The following OSBPL10 variants were observed in gnomAD, a reference collection of about 807,000 sequenced individuals.
OSBPL10 encodes oxysterol-binding protein-related protein 10.
OSBPL10 carries 49 observed loss-of-function variants against 81.7 expected under a neutral mutation model. The observed-to-expected ratio is 0.60, with a 90% CI of 0.48 to 0.76. OSBPL10 has a LOEUF of 0.76. Among genes scored for constraint, OSBPL10 ranks in the 30% least tolerant of loss-of-function variants. The pLI is 0.00. For missense variants in OSBPL10, 923 were observed against 987.8 expected (o/e 0.93, Z 0.88); for synonymous variants, 419 against 383.6 (o/e 1.09, Z -1.08).
intron 5 of OSBPL10, among the ~76,000 whole-genome samples, chr3:31,743,514 A>G (rs376757168): frequency 6.6e-6 from 1 of 152,230 alleles, no homozygotes; most frequent in East Asian, 1.9e-4. Context: ...TGGCTGCTCA[A>G]TGTGTTTGAA....
chr3:31,690,120 C>G (rs1388453512), intron 7 of OSBPL10, among the ~76,000 whole-genome samples: 1 of 152,076 alleles, frequency 6.6e-6, no homozygotes, highest in Non-Finnish European at 1.5e-5. Context: ...CCACCCAAGT[C>G]TCATGTCAAA....
At chr3:31,698,042 G>A (rs552767387) in intron 7 of OSBPL10, among the ~76,000 whole-genome samples, 101 of 152,090 alleles carry the variant, frequency 6.6e-4, no homozygotes, top group Non-Finnish European at 1.3e-3. Flanking sequence ...GATTACAGGC[G>A]TGAGCCACGG....
In OSBPL10 at chr3:31,990,450, T is replaced by G. The variant is rs144696614; in HGVS notation, n.298+56041A>C. On this transcript the variant is annotated intron_variant and non_coding_transcript_variant, in intron 2 of 3. Transcript: ENST00000479173. Reference sequence around the variant, plus strand: ...CTGGAGAGAAACCTTACAAGTGTAATGAGTGTGGCAAGACCTTCCATCACA... The same window carrying G: ...CTGGAGAGAAACCTTACAAGTGTAAGGAGTGTGGCAAGACCTTCCATCACA... The G allele has an allele frequency of 9.3e-4, 1,459 of 1,563,244 alleles. 106 individuals carry two copies. In the African/African-American group the frequency reaches 0.019, roughly 20 times the overall value.
intron 2 of OSBPL10, among the ~76,000 whole-genome samples, chr3:32,004,305 G>A (rs1200576075): frequency 6.6e-6 from 1 of 152,132 alleles, no homozygotes; most frequent in Non-Finnish European, 1.5e-5. Flanking sequence ...GCCTCCAGCA[G>A]GGAGCAGCAT....
intron 4 of OSBPL10, among the ~76,000 whole-genome samples, chr3:31,806,140 G>A (rs377224500): frequency 1.1e-4 from 17 of 152,024 alleles, no homozygotes; most frequent in Admixed American, 7.9e-4. Context: ...CTATCATGCC[G>A]TCACACCACT....
chr3:32,076,348 A>G (rs960561181), intron 1 of OSBPL10, among the ~76,000 whole-genome samples: 1 of 151,778 alleles, frequency 6.6e-6, no homozygotes, highest in Non-Finnish European at 1.5e-5. Flanking sequence ...AACCTGGGCA[A>G]CAGAGTGAGA....
chr3:31,683,785 T>A lies in OSBPL10; in HGVS notation c.1575A>T (p.Lys525Asn), dbSNP rs1700718319. Residue 525 changes from lysine (K) to asparagine (N), a missense_variant, in exon 8 of 12, where the codon AAA (lysine) becomes AAT (asparagine). Lys to Asn is a moderately conservative substitution (Grantham distance 94). Transcript: ENST00000396556. ...ACACTTGCTCAGCCACAAACCTTAG[T>A]TTGTAGCTTTTGGAAGGGTCATCGG... is the stretch of plus-strand genomic sequence containing the variant. ...PMADDPSKSY[K>N]LRFVAEQVSH... is the part of the protein sequence containing the mutation. 1 of 1,613,974 alleles carries A rather than the reference T, an allele frequency of 6.2e-7. No homozygotes were observed. The highest frequency in any genetic ancestry group is 8.5e-7 in the Non-Finnish European group (1 of 1,180,034).
intron 4 of OSBPL10, among the ~76,000 whole-genome samples, chr3:31,761,456 A>G (rs1328813469): frequency 6.8e-6 from 1 of 146,412 alleles, no homozygotes; most frequent in African/African-American, 2.5e-5. Flanking sequence ...TGGGCAACAG[A>G]GTGAGACTCC....
intron 4 of OSBPL10, among the ~76,000 whole-genome samples, chr3:31,778,268 A>G (rs1340488673): frequency 6.6e-6 from 1 of 152,182 alleles, no homozygotes; most frequent in East Asian, 1.9e-4. Context: ...CCCTAGTGAC[A>G]GAGGCAGCCA....
At chr3:32,046,827 T>A (rs1699626460) in intron 1 of OSBPL10, among the ~76,000 whole-genome samples, 1 of 152,110 alleles carries the variant, frequency 6.6e-6, no homozygotes, top group Non-Finnish European at 1.5e-5. Flanking sequence ...AAAAGGAAAT[T>A]AAGGCACAGA....
chr3:31,820,101 A>C (rs911787679), intron 4 of OSBPL10, among the ~76,000 whole-genome samples: 2 of 152,158 alleles, frequency 1.3e-5, no homozygotes. Flanking sequence ...TTTATGCCTC[A>C]GTTTCTTGTC....
chr3:31,967,308 G>C (rs1016746847), intron 1 of OSBPL10, among the ~76,000 whole-genome samples: 3 of 152,034 alleles, frequency 2.0e-5, no homozygotes, highest in African/African-American at 7.2e-5. Flanking sequence ...CATTGCCAGG[G>C]CTGGTCTCAA....
intron 2 of OSBPL10, among the ~76,000 whole-genome samples, chr3:32,002,674 C>T (rs2125533300): frequency 7.7e-6 from 1 of 129,532 alleles, no homozygotes; most frequent in African/African-American, 2.6e-5. Flanking sequence ...TTTCAAACAG[C>T]AATGTTTCTG....
chr3:31,729,820 G>T (rs1199914138), intron 6 of OSBPL10, among the ~76,000 whole-genome samples: 6 of 152,130 alleles, frequency 3.9e-5, no homozygotes, highest in Non-Finnish European at 7.3e-5. Context: ...CCGCACCCAG[G>T]TAGGTGGGAC....
At chr3:31,671,296 T>A (rs1317092139) in intron 8 of OSBPL10, among the ~76,000 whole-genome samples, 7 of 152,106 alleles carry the variant, frequency 4.6e-5, no homozygotes, top group Admixed American at 1.3e-4. Context: ...AATGGAGGCC[T>A]CCAACAGGAG....
intron 2 of OSBPL10, among the ~76,000 whole-genome samples, chr3:31,876,789 C>T (rs1701484204): frequency 6.6e-6 from 1 of 152,028 alleles, no homozygotes; most frequent in Non-Finnish European, 1.5e-5. Context: ...TTTTAGCCTC[C>T]TCTGAAAAAA....
intron 1 of OSBPL10, among the ~76,000 whole-genome samples, chr3:31,967,866 C>T (rs1345846837): frequency 6.6e-6 from 1 of 152,138 alleles, no homozygotes; most frequent in African/African-American, 2.4e-5. Flanking sequence ...CTTCAGTGGC[C>T]ACATTAGAAG....
At chr3:31,814,623 G>A (rs751804798) in intron 4 of OSBPL10, among the ~76,000 whole-genome samples, 3 of 152,166 alleles carry the variant, frequency 2.0e-5, no homozygotes, top group Non-Finnish European at 4.4e-5. Flanking sequence ...GGCTAGGACA[G>A]GCATGGAACA....
At chr3:31,870,263 G>C (rs973879385) in intron 3 of OSBPL10, among the ~76,000 whole-genome samples, 5 of 152,240 alleles carry the variant, frequency 3.3e-5, no homozygotes, top group Non-Finnish European at 7.3e-5. Context: ...TAGCACCTGG[G>C]CCAGTGGCTG....
Sources: gnomAD v4.1 joint callset for allele counts (sites outside exome capture counted in the v4.1 genomes callset) on GRCh38, gnomAD v4.1.1 for gene constraint, MANE v1.5 for transcripts, NCBI Gene and HGNC (gene_info 2026-07-23, HGNC 2026-07-21) for gene names.